Variants in MGAT5 observed in about 807,000 individuals in gnomAD.
MGAT5 encodes alpha-1,6-mannosylglycoprotein 6-beta-N-acetylglucosaminyltransferase, also known as alpha-1,6-mannosylglycoprotein 6-beta-N-acetylglucosaminyltransferase A.
Under a neutral mutation model 94.3 loss-of-function variants are expected in MGAT5, and 30 were observed. The observed-to-expected ratio is 0.32, with a 90% CI of 0.24 to 0.43. MGAT5 has a LOEUF of 0.43. Among genes scored for constraint, MGAT5 ranks in the 20% least tolerant of loss-of-function variants. The pLI is 1.00. For missense variants in MGAT5, 691 were observed against 905.5 expected (o/e 0.76, Z 3.04); for synonymous variants, 310 against 322.9 (o/e 0.96, Z 0.43).
intron 4 of MGAT5, among the ~76,000 whole-genome samples, chr2:134,322,856 A>G (rs1195800603): frequency 2.6e-5 from 4 of 152,130 alleles, no homozygotes; most frequent in South Asian, 2.1e-4. Context: ...TGTTAATGTG[A>G]TCAACACATG....
At chr2:134,409,559 C>A (rs1489313324) in intron 11 of MGAT5, among the ~76,000 whole-genome samples, 1 of 151,998 alleles carries the variant, frequency 6.6e-6, no homozygotes, top group African/African-American at 2.4e-5. Flanking sequence ...TGATTCATTG[C>A]TCAGTTTCCC....
At chr2:134,389,364 T>G (rs1266337899) in intron 10 of MGAT5, among the ~76,000 whole-genome samples, 1 of 152,164 alleles carries the variant, frequency 6.6e-6, no homozygotes, top group Non-Finnish European at 1.5e-5. Context: ...CTCTGAAAAG[T>G]CATCTCAGGA....
chr2:134,181,559 C>CT (rs892703434), intron 1 of MGAT5, among the ~76,000 whole-genome samples: 24 of 151,526 alleles, frequency 1.6e-4, no homozygotes, highest in Admixed American at 2.0e-4. Context: ...TTTTTCTTTT[C>CT]TTTTTTTTTA....
At chr2:134,146,354 T>C (rs1686918792) in intron 1 of MGAT5, among the ~76,000 whole-genome samples, 1 of 152,002 alleles carries the variant, frequency 6.6e-6, no homozygotes, top group Non-Finnish European at 1.5e-5. Context: ...GCCCAGGAGT[T>C]CCAGACCAGC....
At chr2:134,299,911 A>G (rs1035163645) in intron 2 of MGAT5, among the ~76,000 whole-genome samples, 4 of 151,980 alleles carry the variant, frequency 2.6e-5, no homozygotes, top group Non-Finnish European at 5.9e-5. Flanking sequence ...GTTGACTTGC[A>G]CTCACCTTGA....
intron 1 of MGAT5, among the ~76,000 whole-genome samples, chr2:134,181,143 ACT>A (rs1688714502): frequency 6.6e-6 from 1 of 152,038 alleles, no homozygotes; most frequent in Non-Finnish European, 1.5e-5. Context: ...TCTAACAGTG[ACT>A]CTCAACCAGG....
intron 1 of MGAT5, among the ~76,000 whole-genome samples, chr2:134,128,771 A>G (rs1012623806): frequency 8.5e-5 from 13 of 152,104 alleles, no homozygotes; most frequent in East Asian, 3.9e-4. Context: ...GAGTCTTACT[A>G]TGTTGCTCAA....
intron 13 of MGAT5, among the ~76,000 whole-genome samples, chr2:134,424,202 G>A (rs1684454898): frequency 6.6e-6 from 1 of 152,190 alleles, no homozygotes; most frequent in African/African-American, 2.4e-5. Context: ...AGGCTGGAAA[G>A]GCATATATCC....
chr2:134,165,497 C>T (rs868215025), intron 1 of MGAT5, among the ~76,000 whole-genome samples: 2 of 152,018 alleles, frequency 1.3e-5, no homozygotes, highest in Non-Finnish European at 2.9e-5. Context: ...TATCCAGGGC[C>T]GGGCGCGGTG....
chr2:134,141,015 C>T lies in MGAT5; in HGVS notation c.-143+20724C>T, dbSNP rs150204189. On this transcript the variant is annotated intron_variant, in intron 1 of 16. Coordinates refer to the MGAT5 transcript ENST00000409645. ...ATTGTAGCAGAATGAAGAAGTGAGG[C>T]CTTTAAAAACGGGAAGATCATGAGG... Among the ~76,000 whole-genome samples the T allele has an allele frequency of 5.5e-3, 836 of 152,230 alleles. 7 individuals carry two copies. Among genetic ancestry groups the T allele is most frequent in the Middle Eastern group, 0.02 (6 of 294 alleles).
chr2:134,188,392 G>A (rs1242906889), intron 1 of MGAT5, among the ~76,000 whole-genome samples: 1 of 152,236 alleles, frequency 6.6e-6, no homozygotes, highest in African/African-American at 2.4e-5. Context: ...CCTTGCACAA[G>A]TCCCTTAACC....
chr2:134,362,160 G>A (rs1680136859), intron 9 of MGAT5, 115 bp from the exon 10 acceptor site: 1 of 1,267,550 alleles, frequency 7.9e-7, no homozygotes, highest in East Asian at 2.3e-5. Context: ...AAAGAACAGG[G>A]TAAGATGAAA....
chr2:134,277,731 T>C (rs924541706), intron 2 of MGAT5, among the ~76,000 whole-genome samples: 1 of 152,234 alleles, frequency 6.6e-6, no homozygotes, highest in African/African-American at 2.4e-5. Flanking sequence ...ATATTTGGAA[T>C]ATTGACATAA....
intron 1 of MGAT5, among the ~76,000 whole-genome samples, chr2:134,178,518 A>G (rs1688586302): frequency 6.6e-6 from 1 of 152,060 alleles, no homozygotes; most frequent in Admixed American, 6.6e-5. Context: ...TTCTGATGGT[A>G]CCTCCCACAG....
intron 1 of MGAT5, among the ~76,000 whole-genome samples, chr2:134,129,715 G>A (rs187817414): frequency 6.0e-5 from 9 of 151,034 alleles, no homozygotes; most frequent in African/African-American, 2.2e-4. Context: ...TGTTCTGGCT[G>A]AGCTGAGTAC....
chr2:134,336,201 C>T lies in MGAT5; in HGVS notation c.574-16C>T. 4 of 1,607,646 alleles carry T rather than the reference C, an allele frequency of 2.5e-6. No individual in the cohort carries two copies. The highest frequency in any genetic ancestry group is 3.4e-6 in the Non-Finnish European group (4 of 1,175,504). On this transcript the variant is annotated splice_polypyrimidine_tract_variant and intron_variant, in intron 4 of 15. Coordinates refer to ENST00000281923, the MANE Select transcript of MGAT5 (RefSeq NM_002410.5). Reference sequence around the variant, plus strand: ...ATAGATGAAGCTGCATATTTAGTGTCACTGATGCTTTTTAGGTTGAAAATT... The same window carrying T: ...ATAGATGAAGCTGCATATTTAGTGTTACTGATGCTTTTTAGGTTGAAAATT...
intron 1 of MGAT5, among the ~76,000 whole-genome samples, chr2:134,173,146 C>A (rs184788866): frequency 0.012 from 1,858 of 152,262 alleles, 40 homozygotes; most frequent in African/African-American, 0.043. Flanking sequence ...TCTCTAAAAA[C>A]ATGAGATTTT....
chr2:134,159,567 G>A (rs1687637395), intron 1 of MGAT5, among the ~76,000 whole-genome samples: 2 of 152,182 alleles, frequency 1.3e-5, no homozygotes, highest in South Asian at 4.1e-4. Flanking sequence ...GGCTGGGCAT[G>A]GTGGCTAACG....
At chr2:134,221,576 G>A (rs989888816) in intron 1 of MGAT5, among the ~76,000 whole-genome samples, 23 of 152,304 alleles carry the variant, frequency 1.5e-4, no homozygotes, top group Non-Finnish European at 2.5e-4. Context: ...AAAACAAAGC[G>A]GAAAGGGGAT....
Sources: allele counts gnomAD v4.1 joint callset (sites outside exome capture counted in the v4.1 genomes callset), GRCh38; gene constraint gnomAD v4.1.1; transcripts MANE v1.5; gene names NCBI Gene and HGNC (gene_info 2026-07-23, HGNC 2026-07-21).